The following PPP3CA variants were observed in gnomAD, a reference collection of about 807,000 sequenced individuals.
PPP3CA encodes the protein protein phosphatase 3 catalytic subunit alpha, also known as CAM-PRP catalytic subunit.
Under a neutral mutation model 66.5 loss-of-function variants are expected in PPP3CA, and 14 were observed. That is an observed-to-expected ratio of 0.21 (90% CI 0.14 to 0.33). The LOEUF is 0.33. PPP3CA is among the 10% of genes least tolerant of loss of function. The pLI, the probability that PPP3CA is intolerant of heterozygous loss-of-function variation, is 1.00. For missense variants in PPP3CA, 317 were observed against 639.5 expected, an observed-to-expected ratio of 0.50 and a Z score of 5.44; for synonymous variants, 232 against 226.2, an observed-to-expected ratio of 1.03 and a Z score of -0.23.
rs550457142 is a variant in PPP3CA at position 101,340,317 on chromosome 4, C to A, written c.58+6422G>T. Reference sequence around the variant, plus strand: ...TGGATAAGGAAAACAAAAAGGACAGCAAAGTTCTATTCCTCTCTATGATGG... The same window carrying A: ...TGGATAAGGAAAACAAAAAGGACAGAAAAGTTCTATTCCTCTCTATGATGG... On this transcript the variant is annotated intron_variant, in intron 1 of 13. Transcript: ENST00000394854. 3.9e-3 allele frequency among the ~76,000 whole-genome samples: 592 copies of A among 152,212 alleles called. 3 individuals are homozygous for A. Among genetic ancestry groups the A allele is most frequent in the South Asian group, 6.6e-3 (32 of 4,820 alleles).
chr4:101,176,422 C>G (rs980477334), intron 2 of PPP3CA, among the ~76,000 whole-genome samples: 3 of 152,106 alleles, frequency 2.0e-5, no homozygotes, highest in Admixed American at 1.3e-4. Flanking sequence ...GTCGGGGGAC[C>G]TGGTGCAGAG....
At chr4:101,269,629 G>A (rs1727274815) in intron 1 of PPP3CA, among the ~76,000 whole-genome samples, 1 of 149,666 alleles carries the variant, frequency 6.7e-6, no homozygotes, top group African/African-American at 2.5e-5. Flanking sequence ...CCCAGAACCT[G>A]GAAAACATCT....
chr4:101,079,043 G>A (rs986976657), intron 8 of PPP3CA, among the ~76,000 whole-genome samples: 3 of 152,122 alleles, frequency 2.0e-5, no homozygotes, highest in Non-Finnish European at 4.4e-5. Flanking sequence ...TGGTCAAAAC[G>A]GCAATGTAAA....
rs1578452248 is a variant in PPP3CA at position 101,106,432 on chromosome 4, AGAAAGAAAGAAAGAAAGAAAG to A, written c.384+2501_384+2521del. Among the ~76,000 whole-genome samples the A allele has an allele frequency of 5.8e-4, 8 of 13,758 alleles. 2 individuals carry two copies. In the South Asian group the frequency reaches 0.022, roughly 38 times the overall value. The allele number at this position is 13,758 out of a possible 152,430, so 9.0% of individuals were successfully genotyped here. A position where few individuals can be genotyped will look rare whatever the true frequency, so the allele number is the denominator to read the frequency against. Reference sequence around the variant, plus strand: ...AAGAAAGAAAGAAAGAAAGAAAGAAAGAAAGAAAGAAAGAAAGAAAGAGAAAAGAAAAGAAAAGAAAAGAAA... The same window carrying A: ...AAGAAAGAAAGAAAGAAAGAAAGAAAAGAAAAGAAAAGAAAAGAAAAGAAA... On this transcript the variant is annotated intron_variant, in intron 3 of 13. Transcript: ENST00000394854.
chr4:101,097,889 A>G (rs77359812), intron 5 of PPP3CA, among the ~76,000 whole-genome samples: 2,505 of 152,294 alleles, frequency 0.016, 232 homozygotes, highest in Admixed American at 0.14. Context: ...CACTCAGTAA[A>G]ATTAATAAAA....
chr4:101,216,387 C>G (rs1365266739), intron 1 of PPP3CA, among the ~76,000 whole-genome samples: 1 of 152,082 alleles, frequency 6.6e-6, no homozygotes, highest in Non-Finnish European at 1.5e-5. Flanking sequence ...ATTTTCTTTA[C>G]TGTTCCCAAT....
chr4:101,212,784 C>T (rs1027605464), intron 1 of PPP3CA, among the ~76,000 whole-genome samples: 2 of 151,846 alleles, frequency 1.3e-5, no homozygotes, highest in African/African-American at 2.4e-5. Flanking sequence ...TTTCCAAGAA[C>T]ATTTATGTAT....
intron 12 of PPP3CA, among the ~76,000 whole-genome samples, chr4:101,030,866 C>T (rs1374065075): frequency 6.6e-6 from 1 of 151,938 alleles, no homozygotes; most frequent in Non-Finnish European, 1.5e-5. Context: ...AGATTTCAGT[C>T]AGTTAGGTAG....
At chr4:101,071,124 T>C (rs776416140) in intron 8 of PPP3CA, among the ~76,000 whole-genome samples, 5 of 152,162 alleles carry the variant, frequency 3.3e-5, no homozygotes, top group Non-Finnish European at 7.4e-5. Flanking sequence ...CTTGCTCTCA[T>C]TCAGTGCAGC....
rs4450930 is a variant in PPP3CA, at chr4:101,203,292, C to T, written c.59-7176G>A. Among the ~76,000 whole-genome samples, 1,231 of 152,212 alleles carry T rather than the reference C, an allele frequency of 8.1e-3. 16 individuals carry two copies. The highest frequency in any genetic ancestry group is 0.028 in the African/African-American group (1,179 of 41,526). On this transcript the variant is annotated intron_variant, in intron 1 of 13. Transcript: ENST00000394854. ...TGGGCGGATCACGAGGTCAAGAGAT[C>T]GAGACCATCCTGGCCAATATGGTAA...
intron 1 of PPP3CA, among the ~76,000 whole-genome samples, chr4:101,288,043 A>G (rs771678122): frequency 6.6e-6 from 1 of 152,194 alleles, no homozygotes; most frequent in Non-Finnish European, 1.5e-5. Context: ...AAGTCATGCC[A>G]GCAACCAAAG....
chr4:101,109,643 C>T (rs1016674426), intron 2 of PPP3CA, among the ~76,000 whole-genome samples: 9 of 126,114 alleles, frequency 7.1e-5, no homozygotes, highest in African/African-American at 2.6e-4. Context: ...CATTAGTTTA[C>T]GTACCACTAA....
In PPP3CA at chr4:101,025,917, G is replaced by A. The variant is rs1369276872; in HGVS notation, c.1514C>T (p.Ser505Leu). Residue 505 changes from serine to leucine, a missense_variant, in exon 14 of 14, where the codon TCA (serine) becomes TTA (leucine). By Grantham distance (145) the Ser-to-Leu change is moderately radical (BLOSUM62 -2). This residue lies in a region of PPP3CA where 40 missense variants were observed against 38.6 expected (regional missense o/e 1.04). Transcript: ENST00000394854. ...ATTGCTGTCCGTGCCGTTAGTCTCT[G>A]AGGTGAGAGCCTTGTTGATGGAGTT... ...NLNSINKALTSETNGTDSNGS... is the reference protein window; with the variant it reads ...NLNSINKALTLETNGTDSNGS... The A allele has an allele frequency of 6.2e-7, 1 of 1,604,480 alleles. No homozygotes were observed.
At chr4:101,339,483 CGAACA>C (rs1053971961) in intron 1 of PPP3CA, among the ~76,000 whole-genome samples, 6 of 152,098 alleles carry the variant, frequency 3.9e-5, no homozygotes, top group Admixed American at 1.3e-4. Flanking sequence ...TTCAAGTGAC[CGAACA>C]GAACAGCTCT....
At chr4:101,068,304 G>C (rs192880230) in intron 8 of PPP3CA, among the ~76,000 whole-genome samples, 1 of 152,160 alleles carries the variant, frequency 6.6e-6, no homozygotes, top group East Asian at 1.9e-4. Context: ...TCTTCCACCC[G>C]CAGATGCCCT....
At position 101,052,193 on chromosome 4, in the gene PPP3CA, C is replaced by T. The variant is rs144727498; in HGVS notation, c.1156+8894G>A. 1.1e-4 allele frequency among the ~76,000 whole-genome samples: 16 copies of T among 152,012 alleles called. 1 individual carries two copies. In the East Asian group the frequency reaches 1.2e-3, roughly 11 times the overall value. On this transcript the variant is annotated intron_variant, in intron 10 of 13. Coordinates refer to ENST00000394854, the MANE Select transcript of PPP3CA (RefSeq NM_000944.5). ...CACCATTTTAATTGCTAAATTAAAA[C>T]GATTTTAATAATTGTGACCAAAGAT...
At chr4:101,220,694 G>A (rs1725598287) in intron 1 of PPP3CA, among the ~76,000 whole-genome samples, 1 of 145,400 alleles carries the variant, frequency 6.9e-6, no homozygotes, top group Admixed American at 7.2e-5. Flanking sequence ...ATTCACCTGA[G>A]GACAGTGTCT....
At chr4:101,327,524 A>T (rs1403861267) in intron 1 of PPP3CA, among the ~76,000 whole-genome samples, 1 of 152,010 alleles carries the variant, frequency 6.6e-6, no homozygotes, top group Non-Finnish European at 1.5e-5. Flanking sequence ...AAAAAATCCA[A>T]GCATGTTTCT....
chr4:101,299,946 T>A (rs372648712), intron 1 of PPP3CA, among the ~76,000 whole-genome samples: 1 of 151,816 alleles, frequency 6.6e-6, no homozygotes, highest in Non-Finnish European at 1.5e-5. Context: ...GCTTCATGCT[T>A]GGCACTGAAT....
Sources: gnomAD v4.1 joint callset for allele counts (sites outside exome capture counted in the v4.1 genomes callset) on GRCh38, gnomAD v4.1.1 for gene constraint, gnomAD v4.1.1 regional missense constraint, MANE v1.5 for transcripts, NCBI Gene and HGNC (gene_info 2026-07-23, HGNC 2026-07-21) for gene names.